The following NTM variants were observed in gnomAD, a reference collection of about 807,000 sequenced individuals.
NTM encodes IgLON family member 2.
A neutral mutation model predicts 42.1 loss-of-function variants in NTM; 13 were observed. The observed-to-expected ratio is 0.31, with a 90% CI of 0.20 to 0.49. NTM has a LOEUF of 0.49. Among genes scored for constraint, NTM ranks in the 20% least tolerant of loss-of-function variants. The pLI, the probability that NTM is intolerant of heterozygous loss-of-function variation, is 0.99. For missense variants in NTM, 373 were observed against 452.8 expected, an observed-to-expected ratio of 0.82 and a Z score of 1.60; for synonymous variants, 187 against 179.2, an observed-to-expected ratio of 1.04 and a Z score of -0.35.
chr11:131,703,466 T>G (rs902835990), intron 1 of NTM, among the ~76,000 whole-genome samples: 1 of 152,174 alleles, frequency 6.6e-6, no homozygotes, highest in Non-Finnish European at 1.5e-5. Flanking sequence ...AAATAATGGA[T>G]GAAAGACTGA....
chr11:132,300,265 A>C (rs2094794586), intron 4 of NTM, among the ~76,000 whole-genome samples: 1 of 152,214 alleles, frequency 6.6e-6, no homozygotes, highest in Non-Finnish European at 1.5e-5. Flanking sequence ...GGGTTGCAGT[A>C]AAAATAAAGA....
intron 2 of NTM, among the ~76,000 whole-genome samples, chr11:132,057,439 T>G (rs2079879672): frequency 2.0e-5 from 3 of 152,226 alleles, no homozygotes; most frequent in Non-Finnish European, 4.4e-5. Flanking sequence ...TTTCAAGAAT[T>G]GTAGTAATGT....
At chr11:132,228,147 G>A (rs2086707196) in intron 4 of NTM, among the ~76,000 whole-genome samples, 1 of 152,176 alleles carries the variant, frequency 6.6e-6, no homozygotes, top group African/African-American at 2.4e-5. Flanking sequence ...AAGTGCAGGG[G>A]CAACCCAACG....
At chr11:131,378,726 G>A (rs1942278861) in intron 1 of NTM, among the ~76,000 whole-genome samples, 1 of 152,144 alleles carries the variant, frequency 6.6e-6, no homozygotes, top group Non-Finnish European at 1.5e-5. Flanking sequence ...GAGCTGGATT[G>A]GAGAGTGCTC....
chr11:132,048,319 CAG>C (rs556686356), intron 2 of NTM, among the ~76,000 whole-genome samples: 8 of 152,152 alleles, frequency 5.3e-5, no homozygotes, highest in Non-Finnish European at 1.2e-4. Context: ...AGAGAGAAAA[CAG>C]ATTATATTTT....
intron 1 of NTM, among the ~76,000 whole-genome samples, chr11:131,373,745 A>C (rs1461585118): frequency 6.6e-6 from 1 of 152,066 alleles, no homozygotes; most frequent in East Asian, 1.9e-4. Flanking sequence ...TCTCCTTCGA[A>C]GGATTATTGT....
chr11:131,675,286 C>G (rs2071175161), intron 1 of NTM, among the ~76,000 whole-genome samples: 1 of 152,110 alleles, frequency 6.6e-6, no homozygotes, highest in Admixed American at 6.5e-5. Context: ...GGCTCAAACC[C>G]AATATATCAC....
rs371191602 is a variant in NTM, at chr11:131,824,317, A to C, written c.83-87247A>C. 6.7e-4 allele frequency among the ~76,000 whole-genome samples: 102 copies of C among 152,270 alleles called. 2 individuals carry two copies. In the South Asian group the frequency reaches 0.021, roughly 31 times the overall value. On this transcript the variant is annotated intron_variant, in intron 1 of 8. Coordinates refer to ENST00000683400, the MANE Select transcript of NTM (RefSeq NM_001352005.2). ...TCATTGTCCCCTACAACTTCTACATAATTTGGCTCCACAAATATTTGTTGA... is the reference window on the plus strand; with the variant it reads ...TCATTGTCCCCTACAACTTCTACATCATTTGGCTCCACAAATATTTGTTGA...
intron 2 of NTM, among the ~76,000 whole-genome samples, chr11:131,996,786 G>C (rs952813904): frequency 1.3e-5 from 2 of 152,120 alleles, no homozygotes; most frequent in Non-Finnish European, 2.9e-5. Context: ...AGCCCCCTCT[G>C]AGGCACACCT....
chr11:131,926,105 T>C (rs516431), intron 2 of NTM, among the ~76,000 whole-genome samples: 119,665 of 151,886 alleles, frequency 0.79, 47,291 homozygotes, highest in East Asian at 0.95. Context: ...GCAACTTGTA[T>C]GGATTAGAAA....
chr11:131,945,749 C>T (rs1565796584), intron 2 of NTM, among the ~76,000 whole-genome samples: 1 of 152,176 alleles, frequency 6.6e-6, no homozygotes, highest in Non-Finnish European at 1.5e-5. Context: ...GACATTCCTG[C>T]ACCTTTACTG....
intron 3 of NTM, among the ~76,000 whole-genome samples, chr11:132,150,705 T>C (rs965634563): frequency 2.6e-5 from 4 of 152,166 alleles, no homozygotes; most frequent in Non-Finnish European, 5.9e-5. Flanking sequence ...GAGAAGAGTC[T>C]GGAGTCCAAG....
At chr11:132,210,580 T>G (rs1283333331) in intron 3 of NTM, among the ~76,000 whole-genome samples, 3 of 152,156 alleles carry the variant, frequency 2.0e-5, no homozygotes, top group Non-Finnish European at 4.4e-5. Flanking sequence ...AAATGACATC[T>G]TTACTCCATC....
chr11:131,950,118 G>C (rs2060809442), intron 2 of NTM, among the ~76,000 whole-genome samples: 1 of 152,072 alleles, frequency 6.6e-6, no homozygotes, highest in Non-Finnish European at 1.5e-5. Context: ...CCCAGTAGTG[G>C]TACAATGGGA....
At chr11:131,558,942 A>G (rs887042547) in intron 1 of NTM, among the ~76,000 whole-genome samples, 3 of 152,202 alleles carry the variant, frequency 2.0e-5, no homozygotes, top group African/African-American at 7.2e-5. Flanking sequence ...AAAGAAAGAA[A>G]ACAAAGCTAA....
At chr11:131,967,588 G>C (rs950470055) in intron 2 of NTM, among the ~76,000 whole-genome samples, 8 of 152,144 alleles carry the variant, frequency 5.3e-5, no homozygotes, top group Non-Finnish European at 8.8e-5. Context: ...CAGAGATAAA[G>C]GGAAGAAGGG....
intron 4 of NTM, chr11:132,284,273 C>T (rs2094132827): frequency 6.6e-6 from 1 of 152,236 alleles, no homozygotes; most frequent in Non-Finnish European, 1.5e-5. Flanking sequence ...AATGCATTGT[C>T]TTACAAATTT....
At chr11:131,833,175 T>C (rs1409981650) in intron 1 of NTM, among the ~76,000 whole-genome samples, 3 of 152,230 alleles carry the variant, frequency 2.0e-5, no homozygotes, top group African/African-American at 7.2e-5. Flanking sequence ...TCCTTAGCTA[T>C]ATTGTGTGAT....
intron 1 of NTM, among the ~76,000 whole-genome samples, chr11:131,753,452 T>C (rs1320326850): frequency 2.0e-5 from 3 of 152,160 alleles, no homozygotes; most frequent in Non-Finnish European, 2.9e-5. Flanking sequence ...CCTATATTTA[T>C]TGCAGCTCTA....
Sources: allele counts gnomAD v4.1 joint callset (sites outside exome capture counted in the v4.1 genomes callset), GRCh38; gene constraint gnomAD v4.1.1; transcripts MANE v1.5; gene names NCBI Gene and HGNC (gene_info 2026-07-23, HGNC 2026-07-21).